Variants in ADCY5 observed in about 807,000 individuals in gnomAD.
ADCY5 encodes adenylate cyclase type 5.
ADCY5 carries 30 observed loss-of-function variants against 119.7 expected under a neutral mutation model. The ratio of observed to expected loss-of-function variants is 0.25; its 90% confidence interval spans 0.19 to 0.34. ADCY5 has a LOEUF of 0.34. Ranked by LOEUF, ADCY5 falls within the 10% of genes least tolerant of loss-of-function variation. The pLI is 1.00. For synonymous variants in ADCY5, 753 were observed against 762.2 expected (o/e 0.99, Z 0.20); for missense variants, 1,324 against 1,775.2 (o/e 0.75, Z 4.57).
chr3:123,428,948 G>A (rs976824527), intron 1 of ADCY5, among the ~76,000 whole-genome samples: 4 of 152,190 alleles, frequency 2.6e-5, no homozygotes, highest in East Asian at 1.9e-4. Flanking sequence ...CTTTTTAACT[G>A]TGCAACCTTA....
chr3:123,440,793 CCA>C (rs1945709301), intron 1 of ADCY5, among the ~76,000 whole-genome samples: 1 of 152,170 alleles, frequency 6.6e-6, no homozygotes, highest in Non-Finnish European at 1.5e-5. Context: ...AAAAGGTGAG[CCA>C]CAGATTGTTT....
rs898860930 is a variant in ADCY5 at position 123,446,680 on chromosome 3, A to T, written c.1134+732T>A. 5.9e-5 allele frequency among the ~76,000 whole-genome samples: 9 copies of T among 152,274 alleles called. No homozygotes were observed. The East Asian group carries it at 9.7e-4, about 16-fold the overall frequency. Reference sequence around the variant, plus strand: ...ACCCAACAAATCCCAGCAGGGATAAAATGTCCCTACCACAAGCAATGACCA... The same window carrying T: ...ACCCAACAAATCCCAGCAGGGATAATATGTCCCTACCACAAGCAATGACCA... On this transcript the variant is annotated intron_variant, in intron 1 of 20. Transcript: ENST00000462833.
chr3:123,306,334 A>T (rs995694354), intron 12 of ADCY5, among the ~76,000 whole-genome samples: 1 of 149,896 alleles, frequency 6.7e-6, no homozygotes, highest in Non-Finnish European at 1.5e-5. Flanking sequence ...TCCACATGCA[A>T]AAAATGAAGT....
chr3:123,431,037 C>T (rs994491679), intron 1 of ADCY5, among the ~76,000 whole-genome samples: 8 of 152,192 alleles, frequency 5.3e-5, no homozygotes, highest in Admixed American at 1.3e-4. Context: ...ACAACAAACG[C>T]ATATGGGGAG....
In ADCY5 at chr3:123,352,750, G is replaced by A. The variant is rs546523695; in HGVS notation, c.1135-169C>T. Among the ~76,000 whole-genome samples, 45 of 152,232 alleles carry A rather than the reference G, an allele frequency of 3.0e-4. No individual in the cohort carries two copies. The highest frequency in any genetic ancestry group is 1.0e-3 in the African/African-American group (42 of 41,532). ...TGTGAGCAGCCGAGCATAATCGATC[G>A]GGCTCTCTGATGTCCTCAAAGCCAG... On this transcript the variant is annotated intron_variant, in intron 1 of 20. Coordinates refer to ENST00000462833, the MANE Select transcript of ADCY5 (RefSeq NM_183357.3). The surrounding 1 kb of genome is among the most constrained non-coding windows in gnomAD (Gnocchi z 4.8).
chr3:123,403,380 CAAAAA>C (rs35626615), intron 1 of ADCY5, among the ~76,000 whole-genome samples: 4 of 68,506 alleles, frequency 5.8e-5, no homozygotes, highest in Admixed American at 1.6e-4. Context: ...GACCCTGTCT[CAAAAA>C]AAAAAAAAAA....
intron 15 of ADCY5, among the ~76,000 whole-genome samples, chr3:123,299,434 A>G (rs771837169): frequency 2.0e-5 from 3 of 152,222 alleles, no homozygotes; most frequent in Non-Finnish European, 4.4e-5. Flanking sequence ...GGAATAATCA[A>G]TGTGTCTGAG....
chr3:123,314,485 A>G (rs1284012687), intron 11 of ADCY5, among the ~76,000 whole-genome samples, 163 bp from the exon 12 acceptor site: 1 of 151,918 alleles, frequency 6.6e-6, no homozygotes, highest in East Asian at 1.9e-4. Flanking sequence ...AAGTTGCTCC[A>G]CCTCCCCTAA....
At chr3:123,435,855 TTATTA>T (rs1559878228) in intron 1 of ADCY5, among the ~76,000 whole-genome samples, 71 of 61,362 alleles carry the variant, frequency 1.2e-3, no homozygotes, top group African/African-American at 6.9e-3. Flanking sequence ...AGCCCTTTTA[TTATTA>T]TTATTATTAT....
chr3:123,396,318 AAAAGG>A (rs1175082161), intron 1 of ADCY5, among the ~76,000 whole-genome samples: 2 of 147,780 alleles, frequency 1.4e-5, no homozygotes, highest in African/African-American at 2.5e-5. Context: ...AGAAAGATGA[AAAAGG>A]AAAGGAAAAG....
rs537147374 is a variant in ADCY5, at chr3:123,371,151, G to A, written c.1135-18570C>T. On this transcript the variant is annotated intron_variant, in intron 1 of 20. Coordinates refer to ENST00000462833, the MANE Select transcript of ADCY5 (RefSeq NM_183357.3). ...GAGCTCTGCAGTATCTCAAGAAGAC[G>A]AAGCATGCTGTGGGGAAAACGTGGG... Among the ~76,000 whole-genome samples, 22 of 152,044 alleles carry A rather than the reference G, an allele frequency of 1.4e-4. No homozygotes were observed. The East Asian group carries it at 4.3e-3, about 29-fold the overall frequency.
At chr3:123,413,395 C>G (rs1398742493) in intron 1 of ADCY5, among the ~76,000 whole-genome samples, 1 of 152,186 alleles carries the variant, frequency 6.6e-6, no homozygotes, top group Non-Finnish European at 1.5e-5. Context: ...TTTCTGGAGG[C>G]CTCTGATCCC....
chr3:123,360,055 C>A (rs1943192345), intron 1 of ADCY5, among the ~76,000 whole-genome samples: 1 of 142,174 alleles, frequency 7.0e-6, no homozygotes, highest in South Asian at 2.2e-4. Context: ...CAATTAGGTG[C>A]TTAATGTTTT....
chr3:123,382,738 T>C (rs183781320), intron 1 of ADCY5, among the ~76,000 whole-genome samples: 2 of 152,196 alleles, frequency 1.3e-5, no homozygotes, highest in East Asian at 3.9e-4. Flanking sequence ...AGATTAGAGA[T>C]GACCAAAGGC....
At chr3:123,316,508 C>T (rs548976373) in intron 11 of ADCY5, among the ~76,000 whole-genome samples, 4 of 152,306 alleles carry the variant, frequency 2.6e-5, no homozygotes, top group African/African-American at 4.8e-5. Context: ...TGTCAACATT[C>T]GGGGAAACTG....
At chr3:123,401,047 T>C (rs1389294844) in intron 1 of ADCY5, among the ~76,000 whole-genome samples, 1 of 23,082 alleles carries the variant, frequency 4.3e-5, no homozygotes, top group Non-Finnish European at 1.1e-4. Flanking sequence ...TGCACTCCTG[T>C]GGGGACACAC....
At chr3:123,322,671 G>A (rs959077042) in intron 8 of ADCY5, among the ~76,000 whole-genome samples, 14 of 152,110 alleles carry the variant, frequency 9.2e-5, no homozygotes, top group African/African-American at 1.4e-4. Flanking sequence ...CCACCCTACC[G>A]GCTATTCCTG....
At chr3:123,432,870 G>A (rs116331670) in intron 1 of ADCY5, among the ~76,000 whole-genome samples, 3,114 of 152,258 alleles carry the variant, frequency 0.02, 115 homozygotes, top group African/African-American at 0.069. Flanking sequence ...ACAAGGAAGA[G>A]AGGTGGGGCT....
At position 123,318,068 on chromosome 3, in the gene ADCY5, G is replaced by A. The variant is rs775356742; in HGVS notation, c.2306C>T (p.Ser769Leu). The part of the protein sequence containing the change: ...DRFGAYVACA[S>L]LVFLFICFVQ... ...AAAGCAGATGAAGAGGAAGACGAGC[G>A]AGGCACACGCCACATAGGCACCAAA... The change falls in exon 11 of 21, where the codon TCG becomes TTG. Residue 769 changes from serine (S) to leucine (L), a missense_variant. Ser to Leu is a moderately radical substitution (Grantham distance 145). This residue lies in a region of ADCY5 where 424 missense variants were observed against 546.8 expected (regional missense o/e 0.78). Coordinates refer to ENST00000462833, the MANE Select transcript of ADCY5 (RefSeq NM_183357.3). The A allele has an allele frequency of 8.7e-6, 14 of 1,613,830 alleles. No homozygotes were observed. The highest frequency in any genetic ancestry group is 2.7e-5 in the African/African-American group (2 of 74,910).
Sources: allele counts gnomAD v4.1 joint callset (sites outside exome capture counted in the v4.1 genomes callset), GRCh38; gene constraint gnomAD v4.1.1; regional missense constraint gnomAD v4.1.1; non-coding constraint Gnocchi (gnomAD v3.1); transcripts MANE v1.5; gene names NCBI Gene and HGNC (gene_info 2026-07-23, HGNC 2026-07-21).